The following ATP10A variants were observed in gnomAD, a reference collection of about 807,000 sequenced individuals.
ATP10A encodes ATPase phospholipid transporting 10A (putative), also known as phospholipid-transporting ATPase VA.
Under a neutral mutation model 147.8 loss-of-function variants are expected in ATP10A, and 111 were observed. That is an observed-to-expected ratio of 0.75 (90% CI 0.64 to 0.88). The LOEUF (loss-of-function observed/expected upper bound fraction) is 0.88, where lower values mean the gene tolerates loss of function less well. Ranked by LOEUF, ATP10A falls within the 40% of genes least tolerant of loss-of-function variation. The pLI is 0.00. For synonymous variants in ATP10A, 875 were observed against 841.6 expected (o/e 1.04, Z -0.69); for missense variants, 1,927 against 1,959.0 (o/e 0.98, Z 0.31).
Position 25,681,180 on chromosome 15 carries a change from A to ACAG in ATP10A, c.3493-107_3493-106insCTG. 3 of 1,166,200 alleles carry ACAG rather than the reference A, an allele frequency of 2.6e-6. No individual in the cohort carries two copies. The South Asian group carries it at 4.5e-5, about 18-fold the overall frequency. 72.2% of individuals were successfully genotyped at this position (1,166,200 alleles called of 1,614,324 possible). ...ACTTGTGTTAAAAACAACAACAATA[A>ACAG]CAACAAAAACCCACCCTGAGGAGTA... On this transcript the variant is annotated intron_variant, in intron 17 of 20. Transcript: ENST00000555815.
At chr15:25,807,663 ATGG>A (rs1891253557) in intron 1 of ATP10A, among the ~76,000 whole-genome samples, 1 of 152,038 alleles carries the variant, frequency 6.6e-6, no homozygotes, top group Non-Finnish European at 1.5e-5. Flanking sequence ...TTAGCTGGGC[ATGG>A]TGGTGCACAC....
chr15:25,862,403 G>C, intron 1 of ATP10A: 2 of 657,030 alleles, frequency 3.0e-6, no homozygotes, highest in Admixed American at 4.3e-5. Context: ...CCGACACGGA[G>C]TGACAGGGGA....
intron 10 of ATP10A, among the ~76,000 whole-genome samples, chr15:25,711,662 A>T (rs1901428783): frequency 6.6e-6 from 1 of 152,176 alleles, no homozygotes; most frequent in African/African-American, 2.4e-5. Flanking sequence ...TATCAATGTC[A>T]TGGTTTTGAT....
Position 25,683,304 on chromosome 15 carries a change from C to A in ATP10A, c.3474G>T (p.Lys1158Asn), listed in dbSNP as rs779720552. ...NVLLTNPQLY[K>N]SGQNMEEYRP... ...GCTTTACCTCCATGTTCTGGCCACT[C>A]TTGTAGAGCTGCGGGTTGGTCAGCA... The change falls in exon 17 of 21, where the codon AAG becomes AAT. Residue 1158 changes from lysine (K) to asparagine (N), a missense_variant. Coordinates refer to ENST00000555815, the MANE Select transcript of ATP10A (RefSeq NM_024490.4). The A allele has an allele frequency of 6.2e-7, 1 of 1,614,000 alleles. No individual in the cohort carries two copies. Among genetic ancestry groups the A allele is most frequent in the Non-Finnish European group, 8.5e-7 (1 of 1,180,026 alleles).
intron 2 of ATP10A, among the ~76,000 whole-genome samples, chr15:25,757,282 T>C (rs940010261): frequency 6.6e-6 from 1 of 152,112 alleles, no homozygotes; most frequent in Non-Finnish European, 1.5e-5. Flanking sequence ...AATTATAAAA[T>C]TTAAATCCAT....
At chr15:25,787,659 A>G (rs1890234053) in intron 1 of ATP10A, among the ~76,000 whole-genome samples, 1 of 151,900 alleles carries the variant, frequency 6.6e-6, no homozygotes, top group Non-Finnish European at 1.5e-5. Context: ...AGAAAAGAAA[A>G]AGGTGGGAGG....
chr15:25,703,828 C>T (rs1900813064), intron 12 of ATP10A, among the ~76,000 whole-genome samples: 1 of 152,236 alleles, frequency 6.6e-6, no homozygotes, highest in Non-Finnish European at 1.5e-5. Flanking sequence ...TAGCCTGGGC[C>T]TAGCTCCCAT....
chr15:25,859,695 T>TTC (rs1893671563), intron 1 of ATP10A, among the ~76,000 whole-genome samples: 1 of 152,102 alleles, frequency 6.6e-6, no homozygotes, highest in Non-Finnish European at 1.5e-5. Flanking sequence ...ACAGGACTGC[T>TTC]TCTCAAACAC....
At chr15:25,687,999 T>A (rs1423776693) in intron 15 of ATP10A, 171 bp from the exon 16 acceptor site, 1 of 808,386 alleles carries the variant, frequency 1.2e-6, no homozygotes, top group Admixed American at 2.1e-5. Context: ...AGCATCTCCT[T>A]CCGTTACAAA....
intron 1 of ATP10A, among the ~76,000 whole-genome samples, chr15:25,799,019 CT>C (rs1890815523): frequency 6.6e-6 from 1 of 152,198 alleles, no homozygotes; most frequent in Non-Finnish European, 1.5e-5. Flanking sequence ...TGTTTGGCCC[CT>C]CCCTTTCTCT....
At position 25,708,019 on chromosome 15, in the gene ATP10A, G is replaced by A; in HGVS notation, c.2532C>T (p.Leu844=). The A allele has an allele frequency of 6.2e-7, 1 of 1,614,196 alleles. No homozygotes were observed. The highest frequency in any genetic ancestry group is 8.5e-7 in the Non-Finnish European group (1 of 1,180,024). The change falls in exon 12 of 21, where the codon CTC becomes CTT. Residue 844 remains leucine (L), a synonymous_variant. Transcript: ENST00000555815. ...TCTCCAGGCGAATGGCAGACTGGAAGAGGAGCTCCTCGCTGTTTTCCAGGG... is the reference window on the plus strand; with the variant it reads ...TCTCCAGGCGAATGGCAGACTGGAAAAGGAGCTCCTCGCTGTTTTCCAGGG... The part of the protein sequence containing the change: ...ESSLENSEEL[L]FQSAIRLETN...
Position 25,701,812 on chromosome 15 carries a change from C to A in ATP10A, c.2760+104G>T, listed in dbSNP as rs540653964. ...TAAACCCGAATGCGGAGGGTGAGGT[C>A]CTTCTAACAGCAGCTGCCAGGAATG... On this transcript the variant is annotated intron_variant, in intron 13 of 20. Coordinates refer to ENST00000555815, the MANE Select transcript of ATP10A (RefSeq NM_024490.4). The A allele has an allele frequency of 3.8e-5, 44 of 1,162,594 alleles. No individual in the cohort carries two copies. The East Asian group carries it at 9.9e-4, about 26-fold the overall frequency. The allele number at this position is 1,162,594 out of a possible 1,614,324, so 72.0% of individuals were successfully genotyped here.
intron 14 of ATP10A, among the ~76,000 whole-genome samples, chr15:25,694,177 C>A (rs1183623103): frequency 6.6e-6 from 1 of 152,196 alleles, no homozygotes; most frequent in East Asian, 1.9e-4. Context: ...GCCACCATCC[C>A]CTCCCTGGAG....
chr15:25,703,855 A>T (rs1334460538), intron 12 of ATP10A, among the ~76,000 whole-genome samples: 2 of 152,170 alleles, frequency 1.3e-5, no homozygotes. Flanking sequence ...GATGTACTGG[A>T]AGGTGATGTG....
intron 1 of ATP10A, among the ~76,000 whole-genome samples, chr15:25,814,540 C>A (rs1373561): frequency 0.15 from 22,641 of 152,144 alleles, 1,803 homozygotes; most frequent in South Asian, 0.22. Flanking sequence ...CCCATTTGCC[C>A]TTTTCCTCAG....
chr15:25,674,102 G>T (rs187413940), downstream of ATP10A, among the ~76,000 whole-genome samples: 1 of 152,200 alleles, frequency 6.6e-6, no homozygotes, highest in Non-Finnish European at 1.5e-5. Context: ...AGCCTGGGAC[G>T]CTCTCCATCA....
chr15:25,843,465 T>C (rs955662409), intron 1 of ATP10A, among the ~76,000 whole-genome samples: 2 of 152,052 alleles, frequency 1.3e-5, no homozygotes, highest in African/African-American at 2.4e-5. Flanking sequence ...GACAGGATGA[T>C]AGATTTTCCC....
chr15:25,805,705 A>G (rs1445538359), intron 1 of ATP10A, among the ~76,000 whole-genome samples: 2 of 152,086 alleles, frequency 1.3e-5, no homozygotes, highest in Non-Finnish European at 2.9e-5. Context: ...AGGCTGTGCT[A>G]TTTTTTTCCC....
intron 2 of ATP10A, among the ~76,000 whole-genome samples, chr15:25,764,280 A>G (rs1005762878): frequency 8.5e-5 from 13 of 152,340 alleles, no homozygotes; most frequent in African/African-American, 3.1e-4. Context: ...GCGGGCTTCC[A>G]GGACTCAGGA....
Sources: allele counts gnomAD v4.1 joint callset (sites outside exome capture counted in the v4.1 genomes callset), GRCh38; gene constraint gnomAD v4.1.1; transcripts MANE v1.5; gene names NCBI Gene and HGNC (gene_info 2026-07-23, HGNC 2026-07-21).